BOD1L1: variants seen among roughly 807,000 people sequenced by gnomAD.
BOD1L1 encodes biorientation of chromosomes in cell division protein 1-like 1.
A neutral mutation model predicts 240.7 loss-of-function variants in BOD1L1; 86 were observed. The ratio of observed to expected loss-of-function variants is 0.36; its 90% CI spans 0.30 to 0.43. The LOEUF (loss-of-function observed/expected upper bound fraction) is 0.43, where lower values mean the gene tolerates loss of function less well. BOD1L1 is among the 20% of genes least tolerant of loss of function. BOD1L1 has a pLI of 1.00. For synonymous variants in BOD1L1, 1,268 were observed against 1,272.3 expected, an observed-to-expected ratio of 1.00 and a Z score of 0.07; for missense variants, 3,554 against 3,643.5, an observed-to-expected ratio of 0.98 and a Z score of 0.63.
chr4:13,613,677 A>T lies in BOD1L1; in HGVS notation c.1175-16T>A. The T allele has an allele frequency of 6.7e-7, 1 of 1,494,660 alleles. No individual in the cohort carries two copies. Among genetic ancestry groups the T allele is most frequent in the Non-Finnish European group, 9.0e-7 (1 of 1,110,546 alleles). 92.6% of individuals were successfully genotyped at this position (1,494,660 alleles called of 1,614,324 possible). On this transcript the variant is annotated splice_polypyrimidine_tract_variant and intron_variant, in intron 4 of 25. Transcript: ENST00000040738. This position sits in a 1 kb window ranked among gnomAD's most constrained non-coding sequence, Gnocchi z 4.0. ...AAAGAGAAATCTTCAAGCGGAAAATAAAACACAGAAAAAAAAATCATCTTA... is the reference window on the plus strand; with the variant it reads ...AAAGAGAAATCTTCAAGCGGAAAATTAAACACAGAAAAAAAAATCATCTTA...
intron 2 of BOD1L1, among the ~76,000 whole-genome samples, chr4:13,617,819 T>C (rs1039277605): frequency 1.3e-5 from 2 of 152,128 alleles, no homozygotes; most frequent in Admixed American, 1.3e-4. Context: ...TACAAAAAAC[T>C]GTTTGAAATT....
chr4:13,572,606 A>T (rs1033014408), intron 25 of BOD1L1: 1 of 1,122,624 alleles, frequency 8.9e-7, no homozygotes, highest in Non-Finnish European at 1.1e-6. Context: ...TTATTTGGTG[A>T]GACAAAATCT....
At chr4:13,615,800 AGTATAGAG>A (rs1430724955) in intron 2 of BOD1L1, among the ~76,000 whole-genome samples, 2 of 152,218 alleles carry the variant, frequency 1.3e-5, no homozygotes, top group Non-Finnish European at 2.9e-5. Context: ...CCTAGGGTCC[AGTATAGAG>A]GTGATGCTTA....
chr4:13,582,603 G>A (rs1374887400), intron 18 of BOD1L1, 49 bp downstream of exon 18: 1 of 1,380,180 alleles, frequency 7.2e-7, no homozygotes, highest in African/African-American at 1.4e-5. Flanking sequence ...GAGACACGCT[G>A]GCTGCTTTGA....
Position 13,600,456 on chromosome 4 carries a change from T to G in BOD1L1, c.6444A>C (p.Ile2148=). The G allele has an allele frequency of 2.5e-6, 4 of 1,613,822 alleles. No individual in the cohort carries two copies. The highest frequency in any genetic ancestry group is 3.4e-6 in the Non-Finnish European group (4 of 1,179,852). The part of the protein sequence containing the change: ...KDECAMISTS[I]GEEFELPISS... ...AGATAGGCAATTCGAATTCTTCCCC[T>G]ATGCTTGTGGAAATCATGGCACACT... Residue 2148 remains isoleucine, a synonymous_variant, in exon 10 of 26, where the codon ATA becomes ATC. Coordinates refer to ENST00000040738, the MANE Select transcript of BOD1L1 (RefSeq NM_148894.3).
chr4:13,603,840 G>T lies in BOD1L1; in HGVS notation c.3060C>A (p.His1020Gln). The change falls in exon 10 of 26, where the codon CAC (histidine) becomes CAA (glutamine). Residue 1020 changes from histidine to glutamine, a missense_variant. By Grantham distance (24) the His-to-Gln change is conservative (BLOSUM62 0). Coordinates refer to ENST00000040738, the MANE Select transcript of BOD1L1 (RefSeq NM_148894.3). ...TRLERKLSDG[H>Q]KSRSLKHSSK... ...TACTATGCTTTAAGCTTCTGCTTTT[G>T]TGGCCATCTGACAACTTTCTCTCAA... 1.2e-6 allele frequency: 2 copies of T among 1,613,012 alleles called. No individual in the cohort carries two copies. The highest frequency in any genetic ancestry group is 1.7e-6 in the Non-Finnish European group (2 of 1,179,814).
At position 13,600,883 on chromosome 4, in the gene BOD1L1, C is replaced by A. The variant is rs756018742; in HGVS notation, c.6017G>T (p.Gly2006Val). The change falls in exon 10 of 26, where the codon GGT becomes GTT. Residue 2006 changes from glycine (G) to valine (V), a missense_variant. Physicochemically the swap from Gly to Val is moderately radical, Grantham distance 109. Around this residue, in one of 2 missense-constraint regions of BOD1L1, gnomAD observed 3,393 missense variants for 3,427.1 expected, o/e 0.99. Transcript: ENST00000040738. ...DTTISTGLVG[G>V]SYDVLVSGEV... is the part of the protein sequence containing the mutation. ...ACCAGATACAAGAACATCGTAACTA[C>A]CCCCGACCAGGCCAGTGGAAATAGT... The A allele has an allele frequency of 4.3e-6, 7 of 1,613,926 alleles. No homozygotes were observed. The highest frequency in any genetic ancestry group is 1.1e-5 in the South Asian group (1 of 91,072).
chr4:13,592,681 T>C (rs1267028330), intron 12 of BOD1L1: 1 of 152,262 alleles, frequency 6.6e-6, no homozygotes, highest in African/African-American at 2.4e-5. Flanking sequence ...TTCAGGGTTT[T>C]AACATGTCAG....
chr4:13,574,898 T>G (rs1459245950), intron 25 of BOD1L1, among the ~76,000 whole-genome samples: 1 of 139,176 alleles, frequency 7.2e-6, no homozygotes, highest in Non-Finnish European at 1.6e-5. Flanking sequence ...AGAAACAGAT[T>G]GATTTTAAGT....
At chr4:13,626,847 T>C (rs1009324053) in intron 1 of BOD1L1, among the ~76,000 whole-genome samples, 2 of 152,202 alleles carry the variant, frequency 1.3e-5, no homozygotes, top group Non-Finnish European at 2.9e-5. Flanking sequence ...GAAACAATAC[T>C]AAAGTCCTGT....
chr4:13,580,449 G>A (rs569939553), intron 21 of BOD1L1, among the ~76,000 whole-genome samples: 219 of 152,270 alleles, frequency 1.4e-3, no homozygotes, highest in Non-Finnish European at 5.7e-4. Context: ...ATGTTGTTTT[G>A]TTAGGTCAGT....
chr4:13,594,510 T>C (rs1270559537), intron 12 of BOD1L1, among the ~76,000 whole-genome samples: 1 of 152,192 alleles, frequency 6.6e-6, no homozygotes, highest in Non-Finnish European at 1.5e-5. Flanking sequence ...AAACTAACAT[T>C]ATTTGTCTTA....
intron 14 of BOD1L1, among the ~76,000 whole-genome samples, chr4:13,590,071 T>C (rs902698692): frequency 5.9e-5 from 9 of 152,228 alleles, no homozygotes; most frequent in Admixed American, 3.9e-4. Context: ...AGTTGGGTAC[T>C]TGCAATCCAC....
chr4:13,592,971 T>C (rs138846777), intron 12 of BOD1L1: 15 of 152,298 alleles, frequency 9.8e-5, no homozygotes, highest in Admixed American at 9.8e-4. Context: ...CTTATAAAAA[T>C]TCAAAACGTA....
In BOD1L1 at chr4:13,599,846, G is replaced by C; in HGVS notation, c.7054C>G (p.Leu2352Val). Residue 2352 changes from leucine (L) to valine (V), a missense_variant, in exon 10 of 26, where the codon CTG (leucine) becomes GTG (valine). Leu to Val is a conservative substitution (Grantham distance 32). This residue lies in a region of BOD1L1 where 3,393 missense variants were observed against 3,427.1 expected (regional missense o/e 0.99). Transcript: ENST00000040738. The part of the protein sequence containing the change: ...ASIDRHEENQ[L>V]TADNPEGNGD... ...TTCCCTTCTGGGTTGTCTGCAGTCA[G>C]CTGATTCTCTTCATGTCTGTCAATG... is the stretch of plus-strand genomic sequence containing the variant. 6.2e-7 allele frequency: 1 copy of C among 1,614,010 alleles called. No homozygotes were observed. The highest frequency in any genetic ancestry group is 8.5e-7 in the Non-Finnish European group (1 of 1,179,886).
intron 13 of BOD1L1, among the ~76,000 whole-genome samples, chr4:13,591,570 A>G (rs1409064635): frequency 3.3e-5 from 5 of 152,248 alleles, no homozygotes; most frequent in Admixed American, 3.3e-4. Flanking sequence ...GTATCTTGAG[A>G]AAAGCTTTCT....
intron 2 of BOD1L1, among the ~76,000 whole-genome samples, chr4:13,619,138 C>T (rs928058215): frequency 6.6e-6 from 1 of 151,914 alleles, no homozygotes; most frequent in Non-Finnish European, 1.5e-5. Flanking sequence ...GTCTGGGCAA[C>T]ATAATGAGAC....
At position 13,607,197 on chromosome 4, in the gene BOD1L1, G is replaced by A; in HGVS notation, c.1743-8C>T. ...GAGTTCTCTTCAACATTCCTAAGGG[G>A]GAAAGAGTCAAATATAAAGCATGAA... On this transcript the variant is annotated splice_polypyrimidine_tract_variant and splice_region_variant and intron_variant, in intron 8 of 25. Transcript: ENST00000040738. 2.6e-6 allele frequency: 4 copies of A among 1,541,608 alleles called. No individual in the cohort carries two copies. Among genetic ancestry groups the A allele is most frequent in the Non-Finnish European group, 3.5e-6 (4 of 1,143,626 alleles).
In BOD1L1 at chr4:13,595,956, A is replaced by G. The variant is rs372987244; in HGVS notation, c.8020-12T>C. ...GAAGGCACATAAGCCTAAAAAATCCAAAGCACCATAAAAATAAGTTAACCA... is the reference window on the plus strand; with the variant it reads ...GAAGGCACATAAGCCTAAAAAATCCGAAGCACCATAAAAATAAGTTAACCA... On this transcript the variant is annotated splice_polypyrimidine_tract_variant and intron_variant, in intron 11 of 25. Coordinates refer to ENST00000040738, the MANE Select transcript of BOD1L1 (RefSeq NM_148894.3). 3.2e-5 allele frequency: 51 copies of G among 1,610,002 alleles called. No homozygotes were observed. The highest frequency in any genetic ancestry group is 4.3e-5 in the Non-Finnish European group (51 of 1,178,308).
Sources: gnomAD v4.1 joint callset for allele counts (sites outside exome capture counted in the v4.1 genomes callset) on GRCh38, gnomAD v4.1.1 for gene constraint, gnomAD v4.1.1 regional missense constraint, Gnocchi (gnomAD v3.1) non-coding constraint, MANE v1.5 for transcripts, NCBI Gene and HGNC (gene_info 2026-07-23, HGNC 2026-07-21) for gene names.